Variants in LIN52 observed in about 807,000 individuals in gnomAD.
LIN52 encodes the protein lin-52 DREAM MuvB core complex component.
LIN52 carries 4 observed loss-of-function variants against 18.5 expected under a neutral mutation model. The ratio of observed to expected loss-of-function variants is 0.22; its 90% CI spans 0.11 to 0.49. LIN52 has a LOEUF of 0.49. LIN52 is among the 20% of genes least tolerant of loss of function. LIN52 has a pLI of 0.97. For missense variants in LIN52, 102 were observed against 139.5 expected (o/e 0.73, Z 1.35); for synonymous variants, 34 against 45.5 (o/e 0.75, Z 1.02).
At chr14:74,118,805 C>T (rs1292571498) in intron 5 of LIN52, among the ~76,000 whole-genome samples, 1 of 152,154 alleles carries the variant, frequency 6.6e-6, no homozygotes. Flanking sequence ...TACATAAATA[C>T]AAAATCTCCT....
At chr14:74,171,698 T>C (rs2061271246) in intron 5 of LIN52, among the ~76,000 whole-genome samples, 1 of 85,826 alleles carries the variant, frequency 1.2e-5, no homozygotes, top group East Asian at 2.0e-4. Context: ...TTAGATCAAA[T>C]ATTATTTTAT....
intron 5 of LIN52, among the ~76,000 whole-genome samples, chr14:74,179,718 T>C (rs1445608648): frequency 6.6e-6 from 1 of 152,112 alleles, no homozygotes; most frequent in Non-Finnish European, 1.5e-5. Context: ...GTTCTCATTT[T>C]TCCTTCTGTA....
rs567563663 is a variant in LIN52 at position 74,142,370 on chromosome 14, A to G, written c.283+41132A>G. ...ATGTTAGTCATTTGAATTGATGCCCAATCTTTAATTTAATAATTGGAGGCT... is the reference window on the plus strand; with the variant it reads ...ATGTTAGTCATTTGAATTGATGCCCGATCTTTAATTTAATAATTGGAGGCT... On this transcript the variant is annotated intron_variant, in intron 5 of 5. Coordinates refer to ENST00000555028, the MANE Select transcript of LIN52 (RefSeq NM_001024674.3). Among the ~76,000 whole-genome samples the G allele has an allele frequency of 5.3e-5, 8 of 152,278 alleles. No homozygotes were observed. The East Asian group carries it at 1.5e-3, about 29-fold the overall frequency.
chr14:74,100,799 A>G (rs1034898673), intron 4 of LIN52, among the ~76,000 whole-genome samples: 1 of 152,146 alleles, frequency 6.6e-6, no homozygotes, highest in East Asian at 1.9e-4. Flanking sequence ...ATTTTTATAC[A>G]GGTGAGGTAT....
At chr14:74,114,580 C>T (rs890267690) in intron 5 of LIN52, among the ~76,000 whole-genome samples, 1 of 152,096 alleles carries the variant, frequency 6.6e-6, no homozygotes, top group Non-Finnish European at 1.5e-5. Flanking sequence ...CAGAAGGAGG[C>T]TAGATGCCTG....
chr14:74,101,604 G>T (rs1483212819), intron 5 of LIN52, among the ~76,000 whole-genome samples: 2 of 150,772 alleles, frequency 1.3e-5, no homozygotes, highest in Non-Finnish European at 3.0e-5. Context: ...GACTACAGGC[G>T]CCCGCCACTA....
Position 74,130,278 on chromosome 14 carries a change from G to GTTTGTTTTTTTTTTTTTTTTTT in LIN52, c.283+29043_283+29044insGTTTTTTTTTTTTTTTTTTTTT, listed in dbSNP as rs1555382571. Among the ~76,000 whole-genome samples the GTTTGTTTTTTTTTTTTTTTTTT allele has an allele frequency of 1.5e-3, 96 of 64,820 alleles. 1 individual carries two copies. Among genetic ancestry groups the GTTTGTTTTTTTTTTTTTTTTTT allele is most frequent in the Middle Eastern group, 0.011 (1 of 88 alleles). The allele number at this position is 64,820 out of a possible 152,430, so 42.5% of individuals were successfully genotyped here. A position where few individuals can be genotyped will look rare whatever the true frequency, so the allele number is the denominator to read the frequency against. On this transcript the variant is annotated intron_variant, in intron 5 of 5. Transcript: ENST00000555028. ...GAATTTATTAGATAGGCATTTTTTG[G>GTTTGTTTTTTTTTTTTTTTTTT]TTTTTTTTTTTTTTTTTTGAGACAG...
rs550132786 is a variant in LIN52, at chr14:74,183,254, C to T, written c.284-15668C>T. Among the ~76,000 whole-genome samples, 573 of 149,936 alleles carry T rather than the reference C, an allele frequency of 3.8e-3. 7 individuals are homozygous for T. The highest frequency in any genetic ancestry group is 1.6e-3 in the African/African-American group (67 of 41,344). On this transcript the variant is annotated intron_variant, in intron 5 of 5. Transcript: ENST00000555028. ...CTGGCACTACAGGTGCCCGCCACCA[C>T]GCCCGGCTAATTTTTTTTGTATTTT...
chr14:74,166,171 G>T lies in LIN52; in HGVS notation c.284-32751G>T, dbSNP rs558682178. On this transcript the variant is annotated intron_variant, in intron 5 of 5. Coordinates refer to ENST00000555028, the MANE Select transcript of LIN52 (RefSeq NM_001024674.3). ...CTCCCAAAGTGCTGGGATTACAGGC[G>T]TGAGCCACTGCGCCCAGCTATTTCA... 5.1e-4 allele frequency among the ~76,000 whole-genome samples: 77 copies of T among 151,236 alleles called. 1 individual carries two copies. The highest frequency in any genetic ancestry group is 5.9e-4 in the Non-Finnish European group (40 of 67,796).
chr14:74,190,389 CTTT>C (rs68037994), intron 5 of LIN52, among the ~76,000 whole-genome samples: 13,587 of 106,104 alleles, frequency 0.13, 719 homozygotes, highest in Admixed American at 0.23. Flanking sequence ...GCCTAAATAA[CTTT>C]TTTTTTTTTT....
In LIN52 at chr14:74,200,055, T is replaced by C. The variant is rs564072323; in HGVS notation, c.*1078T>C. 6.6e-6 allele frequency: 1 copy of C among 152,126 alleles called. No individual in the cohort carries two copies. Among genetic ancestry groups the C allele is most frequent in the South Asian group, 2.1e-4 (1 of 4,824 alleles). 9.4% of individuals were successfully genotyped at this position (152,126 alleles called of 1,614,324 possible). The stretch of plus-strand genomic sequence containing the variant: ...CTATTATATGTGTTCTCCATATTTC[T>C]TGTATAAGCCAGTCCCCAGCATCTG... On this transcript the variant is annotated 3_prime_UTR_variant, in exon 6 of 6. Coordinates refer to ENST00000555028, the MANE Select transcript of LIN52 (RefSeq NM_001024674.3).
chr14:74,133,351 T>C (rs1258091699), intron 5 of LIN52, among the ~76,000 whole-genome samples: 2 of 152,220 alleles, frequency 1.3e-5, no homozygotes, highest in Admixed American at 1.3e-4. Flanking sequence ...TTCTAGAATA[T>C]AGGTACCAAA....
At chr14:74,195,041 G>A (rs142667304) in intron 5 of LIN52, among the ~76,000 whole-genome samples, 2 of 152,132 alleles carry the variant, frequency 1.3e-5, no homozygotes, top group African/African-American at 4.8e-5. Flanking sequence ...AGCTACTTGA[G>A]AGACTGTGGC....
chr14:74,134,617 G>C (rs2061087215), intron 5 of LIN52, among the ~76,000 whole-genome samples: 1 of 151,560 alleles, frequency 6.6e-6, no homozygotes. Context: ...TTAAACTTAG[G>C]TTCCCTCTGG....
intron 5 of LIN52, among the ~76,000 whole-genome samples, chr14:74,157,101 C>T (rs958696646): frequency 1.4e-5 from 2 of 147,682 alleles, no homozygotes; most frequent in African/African-American, 2.5e-5. Context: ...GTTGCCATCT[C>T]GGCTCACTGC....
intron 5 of LIN52, among the ~76,000 whole-genome samples, chr14:74,126,226 A>G (rs2061029335): frequency 6.6e-6 from 1 of 152,088 alleles, no homozygotes; most frequent in African/African-American, 2.4e-5. Context: ...CAAAACAAAA[A>G]CAGAAAGTAA....
intron 5 of LIN52, among the ~76,000 whole-genome samples, chr14:74,130,295 T>TTTTTTTTTTTTTTTTTTTTTTTTTTTC (rs1315000657): frequency 3.6e-5 from 5 of 140,366 alleles, no homozygotes; most frequent in Non-Finnish European, 4.7e-5. Context: ...TTTTTTTTTT[T>TTTTTTTTTTTTTTTTTTTTTTTTTTTC]TGAGACAGTC....
chr14:74,185,885 G>A (rs2061338941), intron 5 of LIN52, among the ~76,000 whole-genome samples: 1 of 152,100 alleles, frequency 6.6e-6, no homozygotes, highest in Non-Finnish European at 1.5e-5. Flanking sequence ...ATTACAAATA[G>A]TACTGAACTG....
At chr14:74,170,204 C>G (rs1381638310) in intron 5 of LIN52, among the ~76,000 whole-genome samples, 1 of 152,164 alleles carries the variant, frequency 6.6e-6, no homozygotes, top group Non-Finnish European at 1.5e-5. Context: ...CCATGAGAGC[C>G]AGGACCTCAC....
Sources: gnomAD v4.1 joint callset for allele counts (sites outside exome capture counted in the v4.1 genomes callset) on GRCh38, gnomAD v4.1.1 for gene constraint, MANE v1.5 for transcripts, NCBI Gene and HGNC (gene_info 2026-07-23, HGNC 2026-07-21) for gene names.